ARMC9: variants seen among roughly 807,000 people sequenced by gnomAD.
The protein encoded by ARMC9 is lisH domain-containing protein ARMC9.
A neutral mutation model predicts 107.0 loss-of-function variants in ARMC9; 94 were observed. The observed-to-expected ratio is 0.88, with a 90% confidence interval of 0.74 to 1.04. The LOEUF (loss-of-function observed/expected upper bound fraction) is 1.04. ARMC9 is among the 50% of genes least tolerant of loss of function. The probability of loss-of-function intolerance (pLI) is 0.00; values close to 1 mark genes in which losing one functional copy is unlikely to be tolerated. For missense variants in ARMC9, 942 were observed against 1,030.1 expected (o/e 0.91, Z 1.17); for synonymous variants, 380 against 396.9 (o/e 0.96, Z 0.51).
At chr2:231,239,091 GA>G (rs1448464681) in intron 8 of ARMC9, among the ~76,000 whole-genome samples, 3 of 152,158 alleles carry the variant, frequency 2.0e-5, no homozygotes, top group Non-Finnish European at 4.4e-5. Flanking sequence ...ATCATGCCTA[GA>G]AAAAAGTGTG....
At chr2:231,296,763 A>C (rs758506192) in intron 19 of ARMC9, among the ~76,000 whole-genome samples, 1 of 152,230 alleles carries the variant, frequency 6.6e-6, no homozygotes, top group Non-Finnish European at 1.5e-5. Flanking sequence ...GTTTTAGAGC[A>C]TGAAGGTTTA....
chr2:231,199,859 G>A (rs1197807117), intron 1 of ARMC9, among the ~76,000 whole-genome samples: 9 of 151,878 alleles, frequency 5.9e-5, no homozygotes, highest in Admixed American at 5.9e-4. Flanking sequence ...CACCACGCCC[G>A]GCTAATTTTT....
chr2:231,212,369 G>A (rs2032990481), intron 3 of ARMC9, among the ~76,000 whole-genome samples: 1 of 152,214 alleles, frequency 6.6e-6, no homozygotes, highest in Non-Finnish European at 1.5e-5. Context: ...AAGAATGATA[G>A]ATGTGATTGT....
intron 19 of ARMC9, among the ~76,000 whole-genome samples, chr2:231,316,128 G>A (rs2042660106): frequency 6.6e-6 from 1 of 151,178 alleles, no homozygotes; most frequent in Admixed American, 6.6e-5. Context: ...AAATAGTCAT[G>A]TATCATTTAA....
At chr2:231,332,176 T>C (rs1452043111) in intron 20 of ARMC9, among the ~76,000 whole-genome samples, 1 of 152,192 alleles carries the variant, frequency 6.6e-6, no homozygotes, top group Non-Finnish European at 1.5e-5. Flanking sequence ...CTGGCCCCAG[T>C]AGCAATTGCC....
intron 4 of ARMC9, among the ~76,000 whole-genome samples, chr2:231,215,771 G>A (rs190079227): frequency 6.6e-6 from 1 of 152,296 alleles, no homozygotes; most frequent in Non-Finnish European, 1.5e-5. Context: ...CCAACGGTGG[G>A]GACAGTGGTG....
rs1233196380 is a variant in ARMC9 at position 231,372,699 on chromosome 2, G to GGGGTGTGTGTGTGTGTGT, written c.*1165_*1166insGGTGTGTGTGTGTGTGTG. 2 of 127,674 alleles carry GGGGTGTGTGTGTGTGTGT rather than the reference G, an allele frequency of 1.6e-5. No individual in the cohort carries two copies. The highest frequency in any genetic ancestry group is 5.9e-5 in the African/African-American group (2 of 33,872). The allele number at this position is 127,674 out of a possible 1,614,324, so 7.9% of individuals were successfully genotyped here. A position where few individuals can be genotyped will look rare whatever the true frequency, so the allele number is the denominator to read the frequency against. On this transcript the variant is annotated 3_prime_UTR_variant, in exon 25 of 25. Coordinates refer to ENST00000611582, the MANE Select transcript of ARMC9 (RefSeq NM_001352754.2). ...CAAATAAAACCCATCAGTATTTAGTGGTGTGTGTGTGTGTGTGTGTGTGTG... is the reference window on the plus strand; with the variant it reads ...CAAATAAAACCCATCAGTATTTAGTGGGGTGTGTGTGTGTGTGTGTGTGTGTGTGTGTGTGTGTGTGTG...
At chr2:231,310,169 C>T (rs1304711136) in intron 19 of ARMC9, among the ~76,000 whole-genome samples, 3 of 152,278 alleles carry the variant, frequency 2.0e-5, no homozygotes, top group Non-Finnish European at 4.4e-5. Flanking sequence ...AATCCCAGCA[C>T]TTTGGGAGGC....
intron 20 of ARMC9, among the ~76,000 whole-genome samples, chr2:231,341,970 G>A (rs1484668071): frequency 1.3e-5 from 2 of 152,180 alleles, no homozygotes; most frequent in Non-Finnish European, 2.9e-5. Context: ...AGGAGCCCTT[G>A]CTCTCCTCTC....
At chr2:231,337,855 A>G (rs1338320061) in intron 20 of ARMC9, among the ~76,000 whole-genome samples, 1 of 152,246 alleles carries the variant, frequency 6.6e-6, no homozygotes, top group East Asian at 1.9e-4. Context: ...AAAGAAATGT[A>G]TGCTTATTCT....
intron 20 of ARMC9, among the ~76,000 whole-genome samples, chr2:231,334,718 T>TC (rs2043969131): frequency 6.6e-6 from 1 of 151,958 alleles, no homozygotes; most frequent in South Asian, 2.1e-4. Context: ...TGTTCATGAG[T>TC]CATCCCCCAC....
chr2:231,232,455 C>CTT (rs373033096), intron 7 of ARMC9, among the ~76,000 whole-genome samples: 21 of 143,924 alleles, frequency 1.5e-4, no homozygotes, highest in Admixed American at 5.6e-4. Flanking sequence ...TGCCAGGTGA[C>CTT]TTTTTTTTTT....
chr2:231,246,959 ATT>A (rs34751620), intron 9 of ARMC9, among the ~76,000 whole-genome samples: 6 of 144,658 alleles, frequency 4.1e-5, no homozygotes, highest in Admixed American at 6.9e-5. Context: ...CACTTGGCTA[ATT>A]TTTTTTTTTT....
intron 19 of ARMC9, among the ~76,000 whole-genome samples, chr2:231,319,742 G>A (rs532956292): frequency 6.6e-6 from 1 of 152,204 alleles, no homozygotes; most frequent in East Asian, 1.9e-4. Context: ...TCGGTCTCTG[G>A]CCCTCCCAGC....
At chr2:231,245,933 C>T (rs1487046969) in intron 9 of ARMC9, among the ~76,000 whole-genome samples, 1 of 152,186 alleles carries the variant, frequency 6.6e-6, no homozygotes, top group Non-Finnish European at 1.5e-5. Context: ...CCACACCAAG[C>T]CTCTGCCCTA....
intron 19 of ARMC9, among the ~76,000 whole-genome samples, chr2:231,327,461 T>G (rs1288035889): frequency 6.6e-6 from 1 of 152,208 alleles, no homozygotes; most frequent in Non-Finnish European, 1.5e-5. Flanking sequence ...GGACTGGCTT[T>G]TTTCACCAAC....
chr2:231,261,221 A>G (rs2038309259), intron 11 of ARMC9, among the ~76,000 whole-genome samples: 1 of 152,144 alleles, frequency 6.6e-6, no homozygotes, highest in Admixed American at 6.6e-5. Context: ...ACTCTGTTAC[A>G]TGCTTTTTCA....
chr2:231,245,616 A>G (rs2036687842), intron 9 of ARMC9, among the ~76,000 whole-genome samples: 1 of 152,164 alleles, frequency 6.6e-6, no homozygotes, highest in Admixed American at 6.5e-5. Context: ...CCTGTGTTTC[A>G]TATGCGTCCT....
intron 12 of ARMC9, among the ~76,000 whole-genome samples, chr2:231,268,402 C>T (rs1574876509): frequency 6.6e-6 from 1 of 152,238 alleles, no homozygotes; most frequent in East Asian, 1.9e-4. Context: ...GGGACGACAG[C>T]CTTTGACATG....
Sources: gnomAD v4.1 joint callset for allele counts (sites outside exome capture counted in the v4.1 genomes callset) on GRCh38, gnomAD v4.1.1 for gene constraint, MANE v1.5 for transcripts, NCBI Gene and HGNC (gene_info 2026-07-23, HGNC 2026-07-21) for gene names.